The following SCUBE2 variants were observed in gnomAD, a reference collection of about 807,000 sequenced individuals.
SCUBE2 encodes the protein signal peptide, CUB domain and EGF like domain containing 2.
Under a neutral mutation model 125.9 loss-of-function variants are expected in SCUBE2, and 114 were observed. That is an observed-to-expected ratio of 0.91 (90% CI 0.78 to 1.06). The LOEUF is 1.06. Ranked by LOEUF, SCUBE2 falls within the 50% of genes least tolerant of loss-of-function variation. SCUBE2 has a pLI of 0.00. For synonymous variants in SCUBE2, 459 were observed against 492.9 expected, an observed-to-expected ratio of 0.93 and a Z score of 0.91; for missense variants, 1,255 against 1,301.8, an observed-to-expected ratio of 0.96 and a Z score of 0.55.
At chr11:9,023,986 T>C (rs954672057) in intron 21 of SCUBE2, among the ~76,000 whole-genome samples, 3 of 152,012 alleles carry the variant, frequency 2.0e-5, no homozygotes, top group Admixed American at 6.6e-5. Context: ...GATATCAAAC[T>C]TTTTGGAAAT....
At chr11:9,046,053 C>G (rs182460563) in intron 16 of SCUBE2, among the ~76,000 whole-genome samples, 1 of 136,386 alleles carries the variant, frequency 7.3e-6, no homozygotes, top group African/African-American at 2.7e-5. Context: ...GTCGCCCAGG[C>G]TGGAGTGCAG....
chr11:9,059,399 C>T lies in SCUBE2; in HGVS notation c.994G>A (p.Gly332Arg). 2 of 1,614,216 alleles carry T rather than the reference C, an allele frequency of 1.2e-6. No homozygotes were observed. Among genetic ancestry groups the T allele is most frequent in the South Asian group, 1.1e-5 (1 of 91,086 alleles). ...TTTTTGCAGAAATGATCACAACCTC[C>T]ATTGCGGGTCTGGCACTCATCAATA... ...KDIDECQTRN[G>R]GCDHFCKNIV... The change falls in exon 9 of 23, where the codon GGA becomes AGA. Residue 332 changes from glycine to arginine, a missense_variant. Physicochemically the swap from Gly to Arg is moderately radical, Grantham distance 125. Transcript: ENST00000649792.
chr11:9,075,761 C>T (rs555969498), intron 3 of SCUBE2, among the ~76,000 whole-genome samples: 2 of 152,344 alleles, frequency 1.3e-5, no homozygotes, highest in East Asian at 1.9e-4. Context: ...CCACAGCTAG[C>T]GCTAGTGGCG....
At chr11:9,032,488 C>T (rs1453742975) in intron 17 of SCUBE2, among the ~76,000 whole-genome samples, 2 of 152,154 alleles carry the variant, frequency 1.3e-5, no homozygotes, top group Non-Finnish European at 2.9e-5. Flanking sequence ...AATACCAACA[C>T]TTTGGGAGGC....
At chr11:9,068,363 C>T (rs769656907) in intron 5 of SCUBE2, among the ~76,000 whole-genome samples, 2 of 152,162 alleles carry the variant, frequency 1.3e-5, no homozygotes, top group African/African-American at 2.4e-5. Context: ...GCAGGAGCTG[C>T]GGCCCGATGG....
intron 16 of SCUBE2, among the ~76,000 whole-genome samples, chr11:9,045,606 GACAGACACACACACACACAC>G (rs1162331903): frequency 1.0e-4 from 12 of 115,242 alleles, no homozygotes; most frequent in African/African-American, 1.9e-4. Flanking sequence ...AAGACAGACA[GACAGACACACACACACACAC>G]ACACACACAC....
At chr11:9,088,965 A>T (rs1390061831) in intron 2 of SCUBE2, among the ~76,000 whole-genome samples, 1 of 152,180 alleles carries the variant, frequency 6.6e-6, no homozygotes, top group African/African-American at 2.4e-5. Flanking sequence ...GAGTAATAGC[A>T]TTGGCCCAGA....
intron 4 of SCUBE2, 63 bp from the exon 5 acceptor site, chr11:9,069,558 G>C (rs1564839563): frequency 1.2e-6 from 2 of 1,603,824 alleles, no homozygotes; most frequent in Non-Finnish European, 1.7e-6. Flanking sequence ...CCCTGGGAGA[G>C]CGGCAAAGGG....
In SCUBE2 at chr11:9,030,802, G is replaced by A. The variant is rs142620844; in HGVS notation, c.2297C>T (p.Thr766Ile). ...SCFPCGGGLA[T>I]KHQGATSFQD... ...AAAGGAAGTAGCTCCCTGATGTTTG[G>A]TGGCAAGGCCTCCTCCACAGGGGAA... Residue 766 changes from threonine (T) to isoleucine (I), a missense_variant, in exon 18 of 23, where the codon ACC (threonine) becomes ATC (isoleucine). Coordinates refer to ENST00000649792, the MANE Select transcript of SCUBE2 (RefSeq NM_001367977.2). 5 of 1,614,210 alleles carry A rather than the reference G, an allele frequency of 3.1e-6. No individual in the cohort carries two copies. In the East Asian group the frequency reaches 1.1e-4, roughly 36 times the overall value.
At chr11:9,062,187 GCT>G (rs1859747806) in intron 7 of SCUBE2, among the ~76,000 whole-genome samples, 3 of 152,108 alleles carry the variant, frequency 2.0e-5, no homozygotes, top group Admixed American at 6.5e-5. Flanking sequence ...AACTCCTTCA[GCT>G]CCCTACTGGC....
At chr11:9,029,717 G>A (rs1208870516) in intron 19 of SCUBE2, among the ~76,000 whole-genome samples, 167 bp downstream of exon 19, 1 of 152,194 alleles carries the variant, frequency 6.6e-6, no homozygotes, top group Non-Finnish European at 1.5e-5. Flanking sequence ...GCACAGTCAG[G>A]CCCTGCTCTC....
chr11:9,052,459 T>G (rs1227403720), intron 13 of SCUBE2, among the ~76,000 whole-genome samples: 1 of 152,136 alleles, frequency 6.6e-6, no homozygotes, highest in African/African-American at 2.4e-5. Flanking sequence ...TGCTCTGGAG[T>G]ACAGCCTGCT....
intron 16 of SCUBE2, among the ~76,000 whole-genome samples, chr11:9,039,684 GT>G (rs1427120876): frequency 6.6e-6 from 1 of 152,124 alleles, no homozygotes; most frequent in Non-Finnish European, 1.5e-5. Flanking sequence ...AGCTCCTCTG[GT>G]TTAGAATATG....
chr11:9,062,457 A>C (rs915641897), intron 7 of SCUBE2, among the ~76,000 whole-genome samples: 4 of 152,220 alleles, frequency 2.6e-5, no homozygotes, highest in African/African-American at 7.2e-5. Flanking sequence ...AAATCAATAG[A>C]ATATCCAATT....
chr11:9,033,602 G>C, intron 17 of SCUBE2, 24 bp downstream of exon 17: 1 of 1,607,476 alleles, frequency 6.2e-7, no homozygotes, highest in Non-Finnish European at 8.5e-7. Flanking sequence ...GGGAGGAGTA[G>C]GAAGGAACAG....
chr11:9,054,145 T>C (rs1858749702), intron 10 of SCUBE2, among the ~76,000 whole-genome samples: 1 of 152,006 alleles, frequency 6.6e-6, no homozygotes, highest in South Asian at 2.1e-4. Flanking sequence ...TACGGGCATG[T>C]GCCAACACGC....
In SCUBE2 at chr11:9,091,464, A is replaced by T. The variant is rs1335353350; in HGVS notation, c.65T>A (p.Leu22Gln). ...AWAVLLLLLL[L>Q]PPLLLLAGAV... ...CCCCGCCAGCAGCAGCAGTGGCGGC[A>T]GCAGCAGCAGCAGCAGCAGCACCGC... Residue 22 changes from leucine (L) to glutamine (Q), a missense_variant, in exon 1 of 23, where the codon CTG becomes CAG. Coordinates refer to ENST00000649792, the MANE Select transcript of SCUBE2 (RefSeq NM_001367977.2). The surrounding 1 kb of genome is among the most constrained non-coding windows in gnomAD (Gnocchi z 8.5). The T allele has an allele frequency of 2.6e-6, 1 of 391,876 alleles. No individual in the cohort carries two copies. The highest frequency in any genetic ancestry group is 3.1e-6 in the Non-Finnish European group (1 of 324,986). The allele number at this position is 391,876 out of a possible 1,614,324, so 24.3% of individuals were successfully genotyped here. A position where few individuals can be genotyped will look rare whatever the true frequency, so the allele number is the denominator to read the frequency against.
intron 19 of SCUBE2, among the ~76,000 whole-genome samples, chr11:9,029,493 C>A (rs1173850329): frequency 1.3e-5 from 2 of 152,254 alleles, no homozygotes; most frequent in African/African-American, 4.8e-5. Context: ...TCTGCAGCCT[C>A]ACTGCCTGAG....
At chr11:9,085,886 G>A (rs1370016845) in intron 2 of SCUBE2, among the ~76,000 whole-genome samples, 1 of 150,514 alleles carries the variant, frequency 6.6e-6, no homozygotes, top group African/African-American at 2.5e-5. Context: ...AGGCTGGAGT[G>A]CAGTGGCGCA....
Sources: gnomAD v4.1 joint callset for allele counts (sites outside exome capture counted in the v4.1 genomes callset) on GRCh38, gnomAD v4.1.1 for gene constraint, Gnocchi (gnomAD v3.1) non-coding constraint, MANE v1.5 for transcripts, NCBI Gene and HGNC (gene_info 2026-07-23, HGNC 2026-07-21) for gene names.